The following CDC42SE2 variants were observed in gnomAD, a reference collection of about 807,000 sequenced individuals.
CDC42SE2 encodes CDC42 small effector protein 2.
CDC42SE2 carries 3 observed loss-of-function variants against 11.5 expected under a neutral mutation model. The ratio of observed to expected loss-of-function variants is 0.26; its 90% CI spans 0.12 to 0.67. The LOEUF (loss-of-function observed/expected upper bound fraction) is 0.67. Among genes scored for constraint, CDC42SE2 ranks in the 30% least tolerant of loss-of-function variants. The probability of loss-of-function intolerance (pLI) is 0.80; values close to 1 mark genes in which losing one functional copy is unlikely to be tolerated. For missense variants in CDC42SE2, 82 were observed against 106.8 expected, an observed-to-expected ratio of 0.77 and a Z score of 1.02; for synonymous variants, 33 against 34.8, an observed-to-expected ratio of 0.95 and a Z score of 0.18.
chr5:131,370,144 A>T (rs1416274253), intron 3 of CDC42SE2, among the ~76,000 whole-genome samples: 1 of 152,186 alleles, frequency 6.6e-6, no homozygotes, highest in Non-Finnish European at 1.5e-5. Flanking sequence ...AGCACATTCC[A>T]TGTTGTAGAC....
At chr5:131,216,501 C>CAAAAAAAAAAAAAAAAAAAAAAAAAA in the CDC42SE2 span, among the ~76,000 whole-genome samples, 1 of 42,170 alleles carries the variant, frequency 2.4e-5, no homozygotes, top group African/African-American at 1.0e-4. Context: ...GAACCTGTCT[C>CAAAAAAAAAAAAAAAAAAAAAAAAAA]AAAAAAAAAA....
At chr5:131,321,890 G>T (rs566743459) in intron 2 of CDC42SE2, among the ~76,000 whole-genome samples, 1 of 152,200 alleles carries the variant, frequency 6.6e-6, no homozygotes, top group South Asian at 2.1e-4. Context: ...TCGCTGTGTC[G>T]CCCAGGCTGG....
the CDC42SE2 span, among the ~76,000 whole-genome samples, chr5:131,224,290 C>T: frequency 3.9e-5 from 6 of 152,206 alleles, no homozygotes; most frequent in East Asian, 1.9e-4. Flanking sequence ...CATCTCCACT[C>T]GAATATCTAC....
chr5:131,262,872 C>G (rs550557832), upstream of CDC42SE2, among the ~76,000 whole-genome samples: 129 of 152,048 alleles, frequency 8.5e-4, no homozygotes, highest in African/African-American at 2.9e-3. Context: ...ATGCGGAGGG[C>G]TGACTCTGAA....
chr5:131,265,480 T>C (rs1756840507), intron 1 of CDC42SE2, among the ~76,000 whole-genome samples: 1 of 152,194 alleles, frequency 6.6e-6, no homozygotes, highest in South Asian at 2.1e-4. Flanking sequence ...TGCACTAATA[T>C]AATAAAATGT....
intron 3 of CDC42SE2, among the ~76,000 whole-genome samples, chr5:131,370,706 A>C (rs1749992289): frequency 6.6e-6 from 1 of 152,210 alleles, no homozygotes; most frequent in Non-Finnish European, 1.5e-5. Context: ...TTAATTACAA[A>C]TTCTGTTATT....
At chr5:131,310,544 G>GGGTGTTAAAATCTCCCATTATTAATGTGT (rs1757882125) in intron 1 of CDC42SE2, among the ~76,000 whole-genome samples, 1 of 151,616 alleles carries the variant, frequency 6.6e-6, no homozygotes, top group Non-Finnish European at 1.5e-5. Flanking sequence ...GTTGACAGTG[G>GGGTGTTAAAATCTCCCATTATTAATGTGT]GGTGTTAAAA....
chr5:131,273,786 T>G (rs951386373), intron 1 of CDC42SE2, among the ~76,000 whole-genome samples: 3 of 151,508 alleles, frequency 2.0e-5, no homozygotes, highest in African/African-American at 7.3e-5. Context: ...AAAAAAAAGT[T>G]TTTTTTTCTT....
chr5:131,300,590 C>T (rs994012425), intron 1 of CDC42SE2, among the ~76,000 whole-genome samples: 1 of 152,012 alleles, frequency 6.6e-6, no homozygotes, highest in Non-Finnish European at 1.5e-5. Context: ...TGAGACCATC[C>T]TGGCTTACAC....
At chr5:131,276,273 C>A (rs1340729039) in intron 1 of CDC42SE2, among the ~76,000 whole-genome samples, 2 of 111,044 alleles carry the variant, frequency 1.8e-5, no homozygotes, top group Non-Finnish European at 3.8e-5. Context: ...GAGGCGAAAC[C>A]CCATCTACAA....
intron 2 of CDC42SE2, among the ~76,000 whole-genome samples, chr5:131,323,235 A>G (rs1243579132): frequency 6.7e-6 from 1 of 149,824 alleles, no homozygotes; most frequent in African/African-American, 2.5e-5. Context: ...TATGTTGCCC[A>G]GTGTCATCTC....
At chr5:131,371,672 CTAAGT>C (rs1750015617) in intron 3 of CDC42SE2, among the ~76,000 whole-genome samples, 1 of 152,216 alleles carries the variant, frequency 6.6e-6, no homozygotes, top group Admixed American at 6.5e-5. Context: ...AATTAGTAAA[CTAAGT>C]TAAGATCAGT....
intron 1 of CDC42SE2, among the ~76,000 whole-genome samples, chr5:131,283,634 C>T (rs1757284508): frequency 6.6e-6 from 1 of 151,986 alleles, no homozygotes; most frequent in East Asian, 1.9e-4. Context: ...ACTGGGATTG[C>T]AGGCCTGTGC....
intron 1 of CDC42SE2, among the ~76,000 whole-genome samples, chr5:131,279,112 C>T (rs1757178081): frequency 6.6e-6 from 1 of 152,002 alleles, no homozygotes; most frequent in Admixed American, 6.6e-5. Flanking sequence ...ATGGTTTAGT[C>T]TAGTAGAATT....
the CDC42SE2 span, among the ~76,000 whole-genome samples, chr5:131,215,586 C>G: frequency 1.3e-5 from 2 of 152,306 alleles, no homozygotes; most frequent in African/African-American, 4.8e-5. Flanking sequence ...CCTGAGTTTT[C>G]AACTCCTCTG....
At chr5:131,264,416 C>CG (rs1381526525) in intron 1 of CDC42SE2, among the ~76,000 whole-genome samples, 4 of 152,176 alleles carry the variant, frequency 2.6e-5, no homozygotes, top group African/African-American at 9.7e-5. Context: ...AATGGTTACA[C>CG]GCTCAGTTCA....
chr5:131,300,910 C>T (rs1232846109), intron 1 of CDC42SE2, among the ~76,000 whole-genome samples: 2 of 152,042 alleles, frequency 1.3e-5, no homozygotes, highest in African/African-American at 2.4e-5. Flanking sequence ...CGTTTTTTAG[C>T]TATGATATGT....
intron 3 of CDC42SE2, among the ~76,000 whole-genome samples, chr5:131,360,912 A>G (rs1749687131): frequency 6.6e-6 from 1 of 152,086 alleles, no homozygotes; most frequent in Non-Finnish European, 1.5e-5. Context: ...GCTGTGTCAT[A>G]GGGGAAATTT....
intron 1 of CDC42SE2, among the ~76,000 whole-genome samples, chr5:131,287,816 A>G (rs916595991): frequency 1.3e-5 from 2 of 152,192 alleles, no homozygotes; most frequent in African/African-American, 4.8e-5. Flanking sequence ...TTGAATAGGT[A>G]AAATATTGCC....
Sources: allele counts gnomAD v4.1 joint callset (sites outside exome capture counted in the v4.1 genomes callset), GRCh38; gene constraint gnomAD v4.1.1; transcripts MANE v1.5; gene names NCBI Gene and HGNC (gene_info 2026-07-23, HGNC 2026-07-21).